Variants in PLA2G4A observed in about 807,000 individuals in gnomAD.
The protein encoded by PLA2G4A is cytosolic phospholipase A2.
PLA2G4A carries 40 observed loss-of-function variants against 81.9 expected under a neutral mutation model. The ratio of observed to expected loss-of-function variants is 0.49; its 90% CI spans 0.38 to 0.64. The LOEUF (loss-of-function observed/expected upper bound fraction) is 0.64. PLA2G4A is among the 30% of genes least tolerant of loss of function. The probability of loss-of-function intolerance (pLI) is 0.00; values close to 1 mark genes in which losing one functional copy is unlikely to be tolerated. For missense variants in PLA2G4A, 715 were observed against 905.1 expected, an observed-to-expected ratio of 0.79 and a Z score of 2.69; for synonymous variants, 302 against 296.9, an observed-to-expected ratio of 1.02 and a Z score of -0.18.
At chr1:186,983,083 C>CA (rs542890862) in intron 17 of PLA2G4A, among the ~76,000 whole-genome samples, 8,553 of 98,854 alleles carry the variant, frequency 0.087, 340 homozygotes, top group East Asian at 0.21. Flanking sequence ...GAGTCTGTCT[C>CA]AAAAAAAAAA....
chr1:186,904,936 C>T (rs1654681286), intron 5 of PLA2G4A, among the ~76,000 whole-genome samples: 1 of 152,076 alleles, frequency 6.6e-6, no homozygotes, highest in Non-Finnish European at 1.5e-5. Context: ...CTCACTGCAA[C>T]CTCCGCCTGC....
Position 186,988,568 on chromosome 1 carries a change from A to G in PLA2G4A, c.*60A>G. ...TGAGGCAGTTTGCAATCCCATGACA[A>G]CTGGATTTAAAAGTACAGTACAGAT... On this transcript the variant is annotated 3_prime_UTR_variant, in exon 18 of 18. Coordinates refer to ENST00000367466, the MANE Select transcript of PLA2G4A (RefSeq NM_024420.3). 2.7e-6 allele frequency: 4 copies of G among 1,493,078 alleles called. No individual in the cohort carries two copies. The South Asian group carries it at 3.4e-5, about 13-fold the overall frequency. The allele number at this position is 1,493,078 out of a possible 1,614,324, so 92.5% of individuals were successfully genotyped here. A position where few individuals can be genotyped will look rare whatever the true frequency, so the allele number is the denominator to read the frequency against.
Position 186,927,974 on chromosome 1 carries a change from G to A in PLA2G4A, c.559-4789G>A, listed in dbSNP as rs751068269. 7.9e-5 allele frequency among the ~76,000 whole-genome samples: 12 copies of A among 152,110 alleles called. No individual in the cohort carries two copies. In the South Asian group the frequency reaches 1.0e-3, roughly 13 times the overall value. The stretch of plus-strand genomic sequence containing the variant: ...ATTCTTCTTTCAGTTGGTAAAGGTC[G>A]AAAGGCAGGCAGTGGAGGGCTCCCT... On this transcript the variant is annotated intron_variant, in intron 7 of 17. Coordinates refer to ENST00000367466, the MANE Select transcript of PLA2G4A (RefSeq NM_024420.3).
intron 7 of PLA2G4A, among the ~76,000 whole-genome samples, chr1:186,912,642 C>A (rs1409923928): frequency 1.3e-5 from 2 of 149,616 alleles, no homozygotes; most frequent in Non-Finnish European, 3.0e-5. Context: ...GTTTGGATAG[C>A]ACATTTCATT....
chr1:186,916,174 TCTCCTC>T (rs60606724), intron 7 of PLA2G4A, among the ~76,000 whole-genome samples: 2 of 151,932 alleles, frequency 1.3e-5, no homozygotes, highest in African/African-American at 2.4e-5. Flanking sequence ...TTCGTAAACT[TCTCCTC>T]CTCGAACCAA....
chr1:186,869,711 A>G (rs185042281), intron 2 of PLA2G4A, among the ~76,000 whole-genome samples: 2 of 152,304 alleles, frequency 1.3e-5, no homozygotes, highest in Admixed American at 1.3e-4. Context: ...AAAACAAGAA[A>G]TGTTTGAGTT....
intron 8 of PLA2G4A, among the ~76,000 whole-genome samples, chr1:186,937,489 TA>T (rs1041917401): frequency 1.3e-5 from 2 of 152,024 alleles, no homozygotes; most frequent in African/African-American, 4.8e-5. Flanking sequence ...TGAGCAAGTC[TA>T]TTTGATTTAT....
Position 186,948,003 on chromosome 1 carries a change from G to C in PLA2G4A, c.1264+1042G>C, listed in dbSNP as rs370744502. Among the ~76,000 whole-genome samples the C allele has an allele frequency of 9.7e-4, 148 of 152,262 alleles. No individual in the cohort carries two copies. In the South Asian group the frequency reaches 0.01, roughly 11 times the overall value. ...TTTAATTAAGTTTACATGCAAAAGA[G>C]AATACAATTGTAACATTAATTGGAA... On this transcript the variant is annotated intron_variant, in intron 12 of 17. Coordinates refer to ENST00000367466, the MANE Select transcript of PLA2G4A (RefSeq NM_024420.3).
intron 14 of PLA2G4A, among the ~76,000 whole-genome samples, chr1:186,963,222 A>G (rs1657021471): frequency 6.6e-6 from 1 of 152,242 alleles, no homozygotes; most frequent in South Asian, 2.1e-4. Flanking sequence ...AATTTAAGCC[A>G]AAGAATATTT....
intron 3 of PLA2G4A, among the ~76,000 whole-genome samples, chr1:186,876,580 A>C (rs1007737096): frequency 2.0e-5 from 3 of 152,116 alleles, no homozygotes; most frequent in Non-Finnish European, 4.4e-5. Flanking sequence ...GTTTGCCATC[A>C]CTGGCATCAA....
At chr1:186,854,427 G>T (rs778536394) in intron 2 of PLA2G4A, 40 bp downstream of exon 2, 1 of 1,296,694 alleles carries the variant, frequency 7.7e-7, no homozygotes, top group South Asian at 1.2e-5. Context: ...CTTGGAGGGG[G>T]TCTGATATGT....
intron 2 of PLA2G4A, among the ~76,000 whole-genome samples, chr1:186,860,909 A>G (rs1344460524): frequency 1.3e-5 from 2 of 152,124 alleles, no homozygotes; most frequent in Admixed American, 6.6e-5. Flanking sequence ...TCATATTTCA[A>G]TTTGACTTTC....
intron 1 of PLA2G4A, among the ~76,000 whole-genome samples, chr1:186,847,354 A>G (rs1207864498): frequency 9.0e-6 from 1 of 111,218 alleles, no homozygotes; most frequent in Non-Finnish European, 1.8e-5. Flanking sequence ...CTATTATTTC[A>G]TACGTGTGTG....
At chr1:186,843,553 A>G (rs1347978973) in intron 1 of PLA2G4A, among the ~76,000 whole-genome samples, 1 of 152,264 alleles carries the variant, frequency 6.6e-6, no homozygotes, top group Non-Finnish European at 1.5e-5. Flanking sequence ...GTATAATGGT[A>G]GTCTAGTATA....
chr1:186,932,874 G>T lies in PLA2G4A; in HGVS notation c.670G>T (p.Val224Phe). ...AGGAATTCTGGATTGTGCTACCTAC[G>T]TTGCTGGTCTTTCTGGCTCCACCTG... The part of the protein sequence containing the change: ...ESGILDCATY[V>F]AGLSGSTWYM... Residue 224 changes from valine (V) to phenylalanine (F), a missense_variant, in exon 8 of 18, where the codon GTT becomes TTT. Transcript: ENST00000367466. 6.2e-7 allele frequency: 1 copy of T among 1,612,532 alleles called. No homozygotes were observed. The highest frequency in any genetic ancestry group is 8.5e-7 in the Non-Finnish European group (1 of 1,178,646).
chr1:186,845,354 G>T (rs997387265), intron 1 of PLA2G4A, among the ~76,000 whole-genome samples: 2 of 152,034 alleles, frequency 1.3e-5, no homozygotes, highest in African/African-American at 4.8e-5. Context: ...TGGCCTTCTA[G>T]GTACTGTGCT....
At chr1:186,928,346 G>A (rs1422936691) in intron 7 of PLA2G4A, among the ~76,000 whole-genome samples, 1 of 152,154 alleles carries the variant, frequency 6.6e-6, no homozygotes, top group Non-Finnish European at 1.5e-5. Flanking sequence ...TTGGCTGCCG[G>A]TGTTCTTGCT....
intron 12 of PLA2G4A, 22 bp from the exon 13 acceptor site, chr1:186,950,635 T>C: frequency 1.4e-6 from 2 of 1,403,828 alleles, no homozygotes; most frequent in Non-Finnish European, 2.0e-6. Context: ...AATGCTTCAA[T>C]TTTTTTGTTT....
chr1:186,839,588 G>T (rs920980789), intron 1 of PLA2G4A, among the ~76,000 whole-genome samples: 7 of 152,200 alleles, frequency 4.6e-5, no homozygotes, highest in Middle Eastern at 3.4e-3. Context: ...TTTTGGCACA[G>T]TTCTCCAGCT....
Sources: gnomAD v4.1 joint callset for allele counts (sites outside exome capture counted in the v4.1 genomes callset) on GRCh38, gnomAD v4.1.1 for gene constraint, MANE v1.5 for transcripts, NCBI Gene and HGNC (gene_info 2026-07-23, HGNC 2026-07-21) for gene names.